PVT1: variants seen among roughly 807,000 people sequenced by gnomAD.
PVT1 encodes the protein Pvt1 oncogene.
chr8:127,922,276 A>ACCC (rs33932004), intron 3 of PVT1, among the ~76,000 whole-genome samples: 8 of 112,176 alleles, frequency 7.1e-5, no homozygotes, highest in Admixed American at 8.9e-5. Context: ...CAAGATACCC[A>ACCC]CCCCCCCCCC....
At chr8:127,997,055 T>TG (rs1258678907) in intron 4 of PVT1, among the ~76,000 whole-genome samples, 2 of 133,060 alleles carry the variant, frequency 1.5e-5, no homozygotes, top group Non-Finnish European at 3.2e-5. Context: ...TTTTTTTTTT[T>TG]TGTTTGTTTG....
intron 4 of PVT1, among the ~76,000 whole-genome samples, chr8:128,028,928 G>C (rs1303079271): frequency 6.6e-6 from 1 of 152,090 alleles, no homozygotes; most frequent in African/African-American, 2.4e-5. Context: ...CTGCAGCCTT[G>C]ACCTCCTGGG....
intron 2 of PVT1, among the ~76,000 whole-genome samples, chr8:127,844,092 C>T (rs1815003903): frequency 6.6e-6 from 1 of 151,988 alleles, no homozygotes; most frequent in Non-Finnish European, 1.5e-5. Context: ...ATGCCGTTCT[C>T]CTGCCTCAGC....
intron 4 of PVT1, among the ~76,000 whole-genome samples, chr8:128,005,377 AC>A (rs1563663685): frequency 1.3e-5 from 2 of 152,174 alleles, no homozygotes; most frequent in Non-Finnish European, 2.9e-5. Flanking sequence ...CCTGTCTTAG[AC>A]TTTTAAGGAG....
rs148281755 is a variant in PVT1 at position 127,904,990 on chromosome 8, A to G, written n.782+13992A>G. On this transcript the variant is annotated intron_variant and non_coding_transcript_variant, in intron 3 of 10. Coordinates refer to ENST00000651587, the Ensembl canonical transcript of PVT1. ...TTCAGGCTTCGTATTGACTTCCATGACCAAGCATCCTGGGTCCAGGCTGTG... is the reference window on the plus strand; with the variant it reads ...TTCAGGCTTCGTATTGACTTCCATGGCCAAGCATCCTGGGTCCAGGCTGTG... Among the ~76,000 whole-genome samples, 50 of 152,274 alleles carry G rather than the reference A, an allele frequency of 3.3e-4. No individual in the cohort carries two copies. The East Asian group carries it at 9.1e-3, about 28-fold the overall frequency.
At chr8:127,939,703 C>G (rs1816324985) in intron 3 of PVT1, 1 of 152,156 alleles carries the variant, frequency 6.6e-6, no homozygotes, top group Non-Finnish European at 1.5e-5. Context: ...AGGCCATGTG[C>G]TAACAGAGAA....
At chr8:127,960,057 G>T (rs928412989) in intron 3 of PVT1, among the ~76,000 whole-genome samples, 2 of 152,186 alleles carry the variant, frequency 1.3e-5, no homozygotes, top group African/African-American at 4.8e-5. Flanking sequence ...AGGCAACCCA[G>T]GATGACATGA....
intron 3 of PVT1, among the ~76,000 whole-genome samples, chr8:127,935,331 C>T (rs1323661812): frequency 6.6e-6 from 1 of 152,112 alleles, no homozygotes; most frequent in East Asian, 1.9e-4. Flanking sequence ...AATCTATATG[C>T]TGGCTGGCTC....
At chr8:128,068,071 ATG>A (rs928716137) in intron 4 of PVT1, among the ~76,000 whole-genome samples, 5 of 151,202 alleles carry the variant, frequency 3.3e-5, no homozygotes, top group Admixed American at 3.3e-4. Context: ...TCTTGCCTTC[ATG>A]TCTGCTTGGC....
intron 2 of PVT1, among the ~76,000 whole-genome samples, chr8:127,812,582 G>A (rs1814610096): frequency 6.9e-6 from 1 of 145,138 alleles, no homozygotes. Flanking sequence ...AAGAAAAGGA[G>A]AGAGGGAGGG....
chr8:127,973,864 C>G (rs1355653286), intron 3 of PVT1, among the ~76,000 whole-genome samples: 5 of 151,782 alleles, frequency 3.3e-5, no homozygotes, highest in African/African-American at 7.3e-5. Flanking sequence ...CCTGTAGTCC[C>G]AGCTACTCGG....
chr8:128,084,108 T>A (rs1466835095), intron 5 of PVT1, among the ~76,000 whole-genome samples: 1 of 152,112 alleles, frequency 6.6e-6, no homozygotes, highest in Non-Finnish European at 1.5e-5. Context: ...TATCCCCCCC[T>A]TGGCAGCCAG....
chr8:127,960,943 T>C (rs13264724), intron 3 of PVT1, among the ~76,000 whole-genome samples: 20 of 27,696 alleles, frequency 7.2e-4, no homozygotes, highest in Non-Finnish European at 9.4e-4. Flanking sequence ...TGTTTGGGGG[T>C]GGGGGGGGCG....
intron 3 of PVT1, chr8:127,960,796 T>C (rs373678843): frequency 8.6e-6 from 3 of 349,490 alleles, no homozygotes; most frequent in Non-Finnish European, 1.8e-5. Flanking sequence ...CTTCAAAACA[T>C]AGGGTATTTC....
chr8:127,812,770 A>G (rs549703547), intron 2 of PVT1, among the ~76,000 whole-genome samples: 1 of 152,234 alleles, frequency 6.6e-6, no homozygotes, highest in South Asian at 2.1e-4. Flanking sequence ...AAAAAGTCTC[A>G]GTCCACTCCA....
chr8:127,957,383 A>G (rs1472743942), intron 3 of PVT1, among the ~76,000 whole-genome samples: 1 of 152,120 alleles, frequency 6.6e-6, no homozygotes, highest in Admixed American at 6.6e-5. Flanking sequence ...CCTGGCCAAC[A>G]TGGTGAAACC....
Position 127,916,091 on chromosome 8 carries a change from G to C in PVT1, n.782+25093G>C, listed in dbSNP as rs1394180345. Among the ~76,000 whole-genome samples, 5 of 152,232 alleles carry C rather than the reference G, an allele frequency of 3.3e-5. No individual in the cohort carries two copies. In the East Asian group the frequency reaches 9.6e-4, roughly 29 times the overall value. ...ACAGAAGATGTGGGTTTGAGTCACA[G>C]TTCCACTATGTGGTCATGGATGAGT... On this transcript the variant is annotated intron_variant and non_coding_transcript_variant, in intron 3 of 10. Transcript: ENST00000651587.
intron 4 of PVT1, among the ~76,000 whole-genome samples, chr8:128,009,223 A>T (rs1341632741): frequency 7.2e-5 from 11 of 152,204 alleles, no homozygotes; most frequent in Admixed American, 7.2e-4. Flanking sequence ...ATATTCTAGT[A>T]AGTATAATAA....
intron 5 of PVT1, among the ~76,000 whole-genome samples, chr8:128,093,386 C>T (rs1412029436): frequency 8.6e-5 from 13 of 151,898 alleles, no homozygotes; most frequent in South Asian, 2.1e-4. Context: ...GGTGAAACCC[C>T]GTCAATACTA....
Sources: allele counts gnomAD v4.1 joint callset (sites outside exome capture counted in the v4.1 genomes callset), GRCh38; gene constraint gnomAD v4.1.1; transcripts MANE v1.5; gene names NCBI Gene and HGNC (gene_info 2026-07-23, HGNC 2026-07-21).